Variants in FAM149A observed in about 807,000 individuals in gnomAD.
FAM149A encodes the protein protein FAM149A.
FAM149A carries 71 observed loss-of-function variants against 78.2 expected under a neutral mutation model. That is an observed-to-expected ratio of 0.91 (90% CI 0.75 to 1.11). FAM149A has a LOEUF of 1.11. FAM149A is among the 50% of genes least tolerant of loss of function. FAM149A has a pLI of 0.00. For missense variants in FAM149A, 1,036 were observed against 971.0 expected (o/e 1.07, Z -0.89); for synonymous variants, 446 against 410.5 (o/e 1.09, Z -1.04).
chr4:186,169,578 C>T, intron 13 of FAM149A: 1 of 985,408 alleles, frequency 1.0e-6, no homozygotes. Flanking sequence ...AGTCGCCTCT[C>T]TGGCCACCAG....
chr4:186,158,646 G>A lies in FAM149A; in HGVS notation c.1575+927G>A, dbSNP rs537987307. On this transcript the variant is annotated intron_variant, in intron 8 of 13. Transcript: ENST00000389354. ...CAGCCCCTGCACACACTGCCGCCCAGGTTGAGGGTGGAGACCCAGCCCCTG... is the reference window on the plus strand; with the variant it reads ...CAGCCCCTGCACACACTGCCGCCCAAGTTGAGGGTGGAGACCCAGCCCCTG... The A allele has an allele frequency of 4.6e-6, 5 of 1,078,004 alleles. No individual in the cohort carries two copies. The African/African-American group carries it at 8.6e-5, about 18-fold the overall frequency. 66.8% of individuals were successfully genotyped at this position (1,078,004 alleles called of 1,614,324 possible).
rs890692104 is a variant in FAM149A at position 186,167,166 on chromosome 4, T to G, written c.2140-18T>G. 2.8e-5 allele frequency: 45 copies of G among 1,606,582 alleles called. No individual in the cohort carries two copies. Among genetic ancestry groups the G allele is most frequent in the Non-Finnish European group, 3.6e-5 (42 of 1,174,680 alleles). On this transcript the variant is annotated intron_variant, in intron 12 of 13. Transcript: ENST00000389354. The stretch of plus-strand genomic sequence containing the variant: ...AAAAAAATGAAACTTGTCCCTGATT[T>G]TATTTTTCTTCCAGCAGTCGGATAC...
chr4:186,155,986 G>A lies in FAM149A; in HGVS notation c.1230-14G>A. On this transcript the variant is annotated splice_polypyrimidine_tract_variant and intron_variant, in intron 6 of 13. Transcript: ENST00000389354. ...ATTGATCTTTTAGTAATTGGAGTGG[G>A]TTTTTATTCTTAGTGATGATGAATG... The A allele has an allele frequency of 7.5e-6, 12 of 1,607,378 alleles. No homozygotes were observed. Among genetic ancestry groups the A allele is most frequent in the Non-Finnish European group, 1.0e-5 (12 of 1,177,184 alleles).
At position 186,149,271 on chromosome 4, in the gene FAM149A, A is replaced by G. The variant is rs1253916021; in HGVS notation, c.665A>G (p.Asp222Gly). The change falls in exon 2 of 14, where the codon GAT becomes GGT. Residue 222 changes from aspartate to glycine, a missense_variant. Around this residue, in one of 3 missense-constraint regions of FAM149A, gnomAD observed 716 missense variants for 711.8 expected, o/e 1.01. Coordinates refer to ENST00000389354, the MANE Select transcript of FAM149A (RefSeq NM_001367768.3). ...ACAAGAAATGTGCAGAAAGCCATTGATAAATATACCTGGTAAGAATTCACC... is the reference window on the plus strand; with the variant it reads ...ACAAGAAATGTGCAGAAAGCCATTGGTAAATATACCTGGTAAGAATTCACC... The G allele has an allele frequency of 7.8e-7, 1 of 1,287,442 alleles. No homozygotes were observed. Among genetic ancestry groups the G allele is most frequent in the African/African-American group, 1.5e-5 (1 of 65,778 alleles). The allele number at this position is 1,287,442 out of a possible 1,614,324, so 79.8% of individuals were successfully genotyped here. A position where few individuals can be genotyped will look rare whatever the true frequency, so the allele number is the denominator to read the frequency against.
At chr4:186,156,385 C>T (rs1317450454) in intron 7 of FAM149A, among the ~76,000 whole-genome samples, 195 bp downstream of exon 7, 2 of 152,066 alleles carry the variant, frequency 1.3e-5, no homozygotes, top group Non-Finnish European at 2.9e-5. Context: ...AAAAATAATG[C>T]AGGGCTGGCT....
Position 186,153,857 on chromosome 4 carries a change from G to A in FAM149A, c.1058+87G>A. 4.8e-6 allele frequency: 7 copies of A among 1,444,840 alleles called. 1 individual carries two copies. The highest frequency in any genetic ancestry group is 6.6e-6 in the Non-Finnish European group (7 of 1,067,152). The allele number at this position is 1,444,840 out of a possible 1,614,324, so 89.5% of individuals were successfully genotyped here. A position where few individuals can be genotyped will look rare whatever the true frequency, so the allele number is the denominator to read the frequency against. On this transcript the variant is annotated intron_variant, in intron 5 of 13. Coordinates refer to ENST00000389354, the MANE Select transcript of FAM149A (RefSeq NM_001367768.3). ...ATGTTTATCTCATCTATAAGCCTTGGCTCCACCCATTTTGGAAATTTAGAT... is the reference window on the plus strand; with the variant it reads ...ATGTTTATCTCATCTATAAGCCTTGACTCCACCCATTTTGGAAATTTAGAT...
intron 1 of FAM149A, among the ~76,000 whole-genome samples, chr4:186,143,401 T>TACAC (rs754911741): frequency 0.02 from 2,992 of 151,286 alleles, 101 homozygotes; most frequent in African/African-American, 0.059. Flanking sequence ...TAGATATGTA[T>TACAC]ACACATACAC....
Position 186,173,685 on chromosome 4 carries a change from C to T in FAM149A, c.*1698C>T, listed in dbSNP as rs560053842. Among the ~76,000 whole-genome samples the T allele has an allele frequency of 1.8e-3, 201 of 111,036 alleles. 73 individuals are homozygous for T. The highest frequency in any genetic ancestry group is 3.7e-3 in the Non-Finnish European group (163 of 44,112). The allele number at this position is 111,036 out of a possible 152,430, so 72.8% of individuals were successfully genotyped here. On this transcript the variant is annotated 3_prime_UTR_variant, in exon 14 of 14. Transcript: ENST00000389354. Reference sequence around the variant, plus strand: ...TGACTCCATTTCTATAGCAATGAGACACATTAGGCAGCAGCAGCAGCAGCA... The same window carrying T: ...TGACTCCATTTCTATAGCAATGAGATACATTAGGCAGCAGCAGCAGCAGCA...
rs766622643 is a variant in FAM149A at position 186,172,006 on chromosome 4, A to T, written c.*19A>T. ...ATCTTGAAACCACCTCACCAGAACCATTGGAGCACCTGTGGCCTCGGCACA... is the reference window on the plus strand; with the variant it reads ...ATCTTGAAACCACCTCACCAGAACCTTTGGAGCACCTGTGGCCTCGGCACA... On this transcript the variant is annotated 3_prime_UTR_variant, in exon 14 of 14. Coordinates refer to ENST00000389354, the MANE Select transcript of FAM149A (RefSeq NM_001367768.3). The T allele has an allele frequency of 6.2e-7, 1 of 1,609,100 alleles. No homozygotes were observed. The highest frequency in any genetic ancestry group is 8.5e-7 in the Non-Finnish European group (1 of 1,177,826).
intron 1 of FAM149A, among the ~76,000 whole-genome samples, chr4:186,129,535 A>G (rs868148893): frequency 1.3e-5 from 2 of 152,216 alleles, no homozygotes; most frequent in Non-Finnish European, 2.9e-5. Flanking sequence ...CAGACCAACC[A>G]CCAGCTGAGA....
At chr4:186,171,878 T>C in intron 13 of FAM149A, 36 bp from the exon 14 acceptor site, 1 of 1,576,302 alleles carries the variant, frequency 6.3e-7, no homozygotes. Context: ...CTTTGTAACA[T>C]TTTAATGAGA....
In FAM149A at chr4:186,125,708, A is replaced by T. The variant is rs1013493089; in HGVS notation, c.566+20066A>T. On this transcript the variant is annotated intron_variant, in intron 1 of 13. Coordinates refer to ENST00000389354, the MANE Select transcript of FAM149A (RefSeq NM_001367768.3). ...GGGCTTAATAAATGTTGGGGAATTA[A>T]CACTACTATTATTGTGAATAGCTGA... The T allele has an allele frequency of 3.0e-6, 3 of 984,552 alleles. No individual in the cohort carries two copies. The African/African-American group carries it at 5.2e-5, about 17-fold the overall frequency. 61.0% of individuals were successfully genotyped at this position (984,552 alleles called of 1,614,324 possible).
At chr4:186,154,967 C>CTTT in intron 6 of FAM149A, 1 of 869,060 alleles carries the variant, frequency 1.2e-6, no homozygotes, top group Non-Finnish European at 1.4e-6. Context: ...GTATTTTGTT[C>CTTT]TTTTTTTTTT....
intron 6 of FAM149A, chr4:186,154,884 T>G (rs1733912876): frequency 2.0e-6 from 2 of 985,128 alleles, no homozygotes; most frequent in South Asian, 4.7e-5. Flanking sequence ...GCCCTGGTCC[T>G]GGGGGCTCCA....
At chr4:186,154,041 G>A (rs763068520) in intron 5 of FAM149A, among the ~76,000 whole-genome samples, 36 of 152,258 alleles carry the variant, frequency 2.4e-4, no homozygotes, top group Admixed American at 9.8e-4. Flanking sequence ...TTCCAAAGGC[G>A]CTGTGAAAGG....
At chr4:186,123,819 C>T (rs1271037794) in intron 1 of FAM149A, 30 of 983,004 alleles carry the variant, frequency 3.1e-5, no homozygotes, top group East Asian at 1.1e-4. Flanking sequence ...AGACCCTTCA[C>T]GGTCCTTGAT....
intron 11 of FAM149A, among the ~76,000 whole-genome samples, chr4:186,166,651 A>AG (rs1735051083): frequency 9.7e-6 from 1 of 102,718 alleles, no homozygotes; most frequent in African/African-American, 1.1e-4. Context: ...ACTCTGTTTA[A>AG]AAAAAAAAAA....
rs1042908363 is a variant in FAM149A at position 186,172,897 on chromosome 4, A to G, written c.*910A>G. 9.0e-6 allele frequency among the ~76,000 whole-genome samples: 1 copy of G among 111,520 alleles called. No homozygotes were observed. Among genetic ancestry groups the G allele is most frequent in the Admixed American group, 8.8e-5 (1 of 11,388 alleles). 73.2% of individuals were successfully genotyped at this position (111,520 alleles called of 152,430 possible). ...AAATGGAGCAGAGAACAGGAAGGGG[A>G]ATTAGCAGAGATGAGGCTCCAGGCA... On this transcript the variant is annotated 3_prime_UTR_variant, in exon 14 of 14. Coordinates refer to ENST00000389354, the MANE Select transcript of FAM149A (RefSeq NM_001367768.3).
intron 1 of FAM149A, among the ~76,000 whole-genome samples, chr4:186,110,714 G>A (rs533538413): frequency 1.2e-3 from 166 of 137,346 alleles, no homozygotes; most frequent in African/African-American, 4.5e-3. Flanking sequence ...TCCCTACAAA[G>A]GACATGAACT....
Sources: allele counts gnomAD v4.1 joint callset (sites outside exome capture counted in the v4.1 genomes callset), GRCh38; gene constraint gnomAD v4.1.1; regional missense constraint gnomAD v4.1.1; transcripts MANE v1.5; gene names NCBI Gene and HGNC (gene_info 2026-07-23, HGNC 2026-07-21).